The following LGALS8 variants were observed in gnomAD, a reference collection of about 807,000 sequenced individuals.
The protein encoded by LGALS8 is galectin 8, also known as galectin-8.
A neutral mutation model predicts 35.9 loss-of-function variants in LGALS8; 30 were observed. That is an observed-to-expected ratio of 0.83 (90% confidence interval 0.62 to 1.13). The LOEUF (loss-of-function observed/expected upper bound fraction) is 1.13, where lower values mean the gene tolerates loss of function less well. LGALS8 is among the 50% of genes most tolerant of loss of function. LGALS8 has a pLI of 0.00. For synonymous variants in LGALS8, 138 were observed against 136.1 expected (o/e 1.01, Z -0.10); for missense variants, 366 against 388.7 (o/e 0.94, Z 0.49).
chr1:236,539,877 C>G (rs1256306338), intron 4 of LGALS8, among the ~76,000 whole-genome samples: 1 of 152,144 alleles, frequency 6.6e-6, no homozygotes, highest in Non-Finnish European at 1.5e-5. Flanking sequence ...ATTTTGCCTC[C>G]ACAATGGGAT....
intron 2 of LGALS8, among the ~76,000 whole-genome samples, chr1:236,534,830 T>C (rs1661368954): frequency 6.6e-6 from 1 of 152,090 alleles, no homozygotes; most frequent in South Asian, 2.1e-4. Flanking sequence ...CCCAGTACTT[T>C]GGGAGGATCA....
At chr1:236,521,554 T>G (rs1326296111), upstream of LGALS8, among the ~76,000 whole-genome samples, 1 of 152,094 alleles carries the variant, frequency 6.6e-6, no homozygotes, top group Non-Finnish European at 1.5e-5. Flanking sequence ...GTTGGCCGGA[T>G]GCAGTGGCTC....
intron 9 of LGALS8, among the ~76,000 whole-genome samples, chr1:236,546,375 T>C (rs1662365349): frequency 6.6e-6 from 1 of 152,280 alleles, no homozygotes; most frequent in Non-Finnish European, 1.5e-5. Context: ...TCTTGCCTTT[T>C]AAATATGCTT....
At chr1:236,541,781 C>T in intron 6 of LGALS8, 71 bp downstream of exon 6, 1 of 768,940 alleles carries the variant, frequency 1.3e-6, no homozygotes, top group Non-Finnish European at 2.1e-6. Context: ...AATGAAATGG[C>T]AAGAAGGCTG....
intron 7 of LGALS8, 164 bp downstream of exon 7, chr1:236,542,951 C>T: frequency 3.1e-6 from 5 of 1,614,052 alleles, no homozygotes; most frequent in African/African-American, 2.7e-5. Flanking sequence ...TAAAATCGCA[C>T]CCAGAACTGT....
intron 9 of LGALS8, among the ~76,000 whole-genome samples, chr1:236,546,747 A>G (rs1662387441): frequency 6.6e-6 from 1 of 152,232 alleles, no homozygotes; most frequent in African/African-American, 2.4e-5. Context: ...TCTGCTGCCA[A>G]CTTGGTTTTC....
At chr1:236,536,212 C>T (rs1661491665) in intron 2 of LGALS8, 2 of 152,200 alleles carry the variant, frequency 1.3e-5, no homozygotes, top group Non-Finnish European at 2.9e-5. Context: ...TATTTCTTGA[C>T]AATCAGAAGT....
intron 3 of LGALS8, 50 bp downstream of exon 3, chr1:236,537,635 G>A (rs1661629614): frequency 7.8e-7 from 1 of 1,288,560 alleles, no homozygotes; most frequent in Non-Finnish European, 1.1e-6. Flanking sequence ...GTCTTTTTGT[G>A]ATTGTGGAAT....
chr1:236,531,997 GACA>G (rs1370132477), intron 2 of LGALS8, among the ~76,000 whole-genome samples: 1 of 152,198 alleles, frequency 6.6e-6, no homozygotes, highest in African/African-American at 2.4e-5. Flanking sequence ...AAGGAGTTGT[GACA>G]ACACTTGTGA....
At chr1:236,521,770 G>C (rs1020691351), upstream of LGALS8, among the ~76,000 whole-genome samples, 1 of 151,712 alleles carries the variant, frequency 6.6e-6, no homozygotes. Context: ...AGAGGCTGCA[G>C]TGAGCTGAGA....
chr1:236,538,101 A>AAAAAAAAAAAAAAAAAAAAAAAAAG lies in LGALS8; in HGVS notation c.134+519_134+520insAAAAAAAAAAAAAAAAAAAAAGAAA, dbSNP rs371245157. ...GCCTGGGTGACAAAAAAAAAAAAGA[A>AAAAAAAAAAAAAAAAAAAAAAAAAG]AAAGAAAAAGAATTAGGTATGTCAT... On this transcript the variant is annotated intron_variant, in intron 3 of 9. Transcript: ENST00000366584. Among the ~76,000 whole-genome samples, 19 of 96,046 alleles carry AAAAAAAAAAAAAAAAAAAAAAAAAG rather than the reference A, an allele frequency of 2.0e-4. 3 individuals are homozygous for AAAAAAAAAAAAAAAAAAAAAAAAAG. Among genetic ancestry groups the AAAAAAAAAAAAAAAAAAAAAAAAAG allele is most frequent in the South Asian group, 3.1e-4 (1 of 3,214 alleles). 63.0% of individuals were successfully genotyped at this position (96,046 alleles called of 152,430 possible).
chr1:236,544,860 GAGA>G lies in LGALS8; in HGVS notation c.756_758del (p.Glu253del), dbSNP rs750236174. On this transcript the variant is annotated inframe_deletion, in exon 9 of 10. Transcript: ENST00000366584. ...AATTCTTTTCTTCAGGAGTCCTGGG[GAGA>G]AGAAGAGAGAAATATTACCTCTTTC... 1.5e-5 allele frequency: 24 copies of G among 1,613,710 alleles called. No individual in the cohort carries two copies. The East Asian group carries it at 1.8e-4, about 12-fold the overall frequency.
intron 2 of LGALS8, among the ~76,000 whole-genome samples, chr1:236,529,311 G>A (rs926904527): frequency 5.9e-5 from 9 of 152,082 alleles, no homozygotes; most frequent in African/African-American, 1.9e-4. Context: ...TCCGGGTGCT[G>A]CGGCTCATGC....
chr1:236,543,252 GCAGAACA>G (rs1319315106), intron 7 of LGALS8: 1 of 631,058 alleles, frequency 1.6e-6, no homozygotes, highest in Non-Finnish European at 2.8e-6. Context: ...TCCCCTTCAG[GCAGAACA>G]CAGTACTGCC....
chr1:236,537,595 CTG>C lies in LGALS8; in HGVS notation c.134+13_134+14del, dbSNP rs1558161884. ...CTAGTGACGCAGACAGGTAAAATCACTGTGCTAAAGGAAGGAGCATGAATAGG... is the reference window on the plus strand; with the variant it reads ...CTAGTGACGCAGACAGGTAAAATCACTGCTAAAGGAAGGAGCATGAATAGG... On this transcript the variant is annotated intron_variant, in intron 3 of 9. Coordinates refer to ENST00000366584, the MANE Select transcript of LGALS8 (RefSeq NM_201544.4). The C allele has an allele frequency of 6.4e-7, 1 of 1,568,142 alleles. No individual in the cohort carries two copies. The highest frequency in any genetic ancestry group is 1.7e-5 in the Admixed American group (1 of 59,950).
rs1199184136 is a variant in LGALS8, at chr1:236,552,693, TAG to T, written c.*4533_*4534del. 1 of 152,270 alleles carries T rather than the reference TAG, an allele frequency of 6.6e-6. No individual in the cohort carries two copies. The highest frequency in any genetic ancestry group is 1.5e-5 in the Non-Finnish European group (1 of 68,056). The allele number at this position is 152,270 out of a possible 1,614,324, so 9.4% of individuals were successfully genotyped here. A position where few individuals can be genotyped will look rare whatever the true frequency, so the allele number is the denominator to read the frequency against. On this transcript the variant is annotated 3_prime_UTR_variant, in exon 10 of 10. Transcript: ENST00000366584. The stretch of plus-strand genomic sequence containing the variant: ...TGTCTATAATAAGGAAAGCAAGCAG[TAG>T]TTGGGTATTGTTAGCTTTTGAAACA...
intron 2 of LGALS8, among the ~76,000 whole-genome samples, chr1:236,529,138 A>G (rs1175096328): frequency 6.6e-6 from 1 of 151,770 alleles, no homozygotes; most frequent in Non-Finnish European, 1.5e-5. Context: ...TTAACTGGGG[A>G]TTGTGGCGCA....
chr1:236,524,661 C>T, intron 1 of LGALS8: 1 of 336,342 alleles, frequency 3.0e-6, no homozygotes, highest in Admixed American at 3.9e-5. Context: ...GGGACCTGTC[C>T]CTGGGGATAC....
In LGALS8 at chr1:236,548,188, C is replaced by G. The variant is rs749760682; in HGVS notation, c.*27C>G. ...CTACCTACACAGCTGCTACAAAAACCAAAATACAGAATGGCTTCTGTGATA... is the reference window on the plus strand; with the variant it reads ...CTACCTACACAGCTGCTACAAAAACGAAAATACAGAATGGCTTCTGTGATA... On this transcript the variant is annotated 3_prime_UTR_variant, in exon 10 of 10. Transcript: ENST00000366584. 3.8e-6 allele frequency: 6 copies of G among 1,599,482 alleles called. No homozygotes were observed. The Admixed American group carries it at 1.0e-4, about 27-fold the overall frequency.
Sources: allele counts gnomAD v4.1 joint callset (sites outside exome capture counted in the v4.1 genomes callset), GRCh38; gene constraint gnomAD v4.1.1; transcripts MANE v1.5; gene names NCBI Gene and HGNC (gene_info 2026-07-23, HGNC 2026-07-21).